FAM135A: variants seen among roughly 807,000 people sequenced by gnomAD.
FAM135A encodes family with sequence similarity 135 member A, also known as protein FAM135A.
Under a neutral mutation model 146.8 loss-of-function variants are expected in FAM135A, and 79 were observed. That is an observed-to-expected ratio of 0.54 (90% CI 0.45 to 0.65). The LOEUF (loss-of-function observed/expected upper bound fraction) is 0.65. Among genes scored for constraint, FAM135A ranks in the 30% least tolerant of loss-of-function variants. The pLI, the probability that FAM135A is intolerant of heterozygous loss-of-function variation, is 0.00. For synonymous variants in FAM135A, 562 were observed against 603.6 expected (o/e 0.93, Z 1.01); for missense variants, 1,623 against 1,758.2 (o/e 0.92, Z 1.38).
At chr6:70,493,062 G>A (rs1175627717) in intron 11 of FAM135A, among the ~76,000 whole-genome samples, 2 of 151,908 alleles carry the variant, frequency 1.3e-5, no homozygotes, top group Admixed American at 6.6e-5. Flanking sequence ...CAATTCCCAT[G>A]TAGCCATTTA....
At chr6:70,507,323 A>G (rs766982336) in intron 12 of FAM135A, among the ~76,000 whole-genome samples, 10 of 152,134 alleles carry the variant, frequency 6.6e-5, no homozygotes, top group Non-Finnish European at 1.0e-4. Context: ...CTAATAAAAT[A>G]TCTTGTTCTT....
At chr6:70,544,788 C>A (rs767132088) in intron 20 of FAM135A, among the ~76,000 whole-genome samples, 14 of 151,692 alleles carry the variant, frequency 9.2e-5, no homozygotes, top group Non-Finnish European at 1.6e-4. Flanking sequence ...CAGTGGCTCA[C>A]GCCTGTAATC....
chr6:70,547,363 AT>A (rs896797979), intron 20 of FAM135A, among the ~76,000 whole-genome samples: 1 of 152,230 alleles, frequency 6.6e-6, no homozygotes, highest in Non-Finnish European at 1.5e-5. Context: ...AAAAATAAGA[AT>A]AGTTTAATAT....
chr6:70,516,413 A>C (rs1792225466), intron 12 of FAM135A, among the ~76,000 whole-genome samples: 1 of 152,092 alleles, frequency 6.6e-6, no homozygotes, highest in African/African-American at 2.4e-5. Context: ...CATATGGATT[A>C]GCAGGATCCT....
Position 70,524,886 on chromosome 6 carries a change from T to C in FAM135A, c.1802T>C (p.Leu601Ser), listed in dbSNP as rs373978809. 47 of 1,612,918 alleles carry C rather than the reference T, an allele frequency of 2.9e-5. No homozygotes were observed. Among genetic ancestry groups the C allele is most frequent in the Non-Finnish European group, 3.9e-5 (46 of 1,179,458 alleles). Residue 601 changes from leucine to serine, a missense_variant, in exon 15 of 22, where the codon TTG becomes TCG. Leu to Ser is a moderately radical substitution (Grantham distance 145). This residue lies in a region of FAM135A where 1,061 missense variants were observed against 1,113.8 expected (regional missense o/e 0.95). Coordinates refer to ENST00000418814, the MANE Select transcript of FAM135A (RefSeq NM_001162529.3). ...GTTCAACCAGACCAGTTTGATCCTTTGAACTCTGGCAACCTAAATCTTTGT... is the reference window on the plus strand; with the variant it reads ...GTTCAACCAGACCAGTTTGATCCTTCGAACTCTGGCAACCTAAATCTTTGT... ...ENVQPDQFDP[L>S]NSGNLNLCAN...
At chr6:70,453,155 A>G (rs906700982) in intron 5 of FAM135A, among the ~76,000 whole-genome samples, 1 of 152,182 alleles carries the variant, frequency 6.6e-6, no homozygotes, top group Non-Finnish European at 1.5e-5. Flanking sequence ...AATGCAATAT[A>G]TGCTGTTTCA....
chr6:70,486,186 C>G (rs757755738), intron 10 of FAM135A: 1 of 1,613,782 alleles, frequency 6.2e-7, no homozygotes, highest in Non-Finnish European at 8.5e-7. Flanking sequence ...ACATGCAGCT[C>G]CTATATGAGC....
At chr6:70,536,180 C>A in intron 18 of FAM135A, 80 bp from the exon 19 acceptor site, 1 of 1,337,872 alleles carries the variant, frequency 7.5e-7, no homozygotes, top group Non-Finnish European at 1.0e-6. Flanking sequence ...GTATTCACAT[C>A]CATTTTATAG....
Position 70,525,846 on chromosome 6 carries a change from T to C in FAM135A, c.2762T>C (p.Leu921Ser), listed in dbSNP as rs1470678503. Residue 921 changes from leucine (L) to serine (S), a missense_variant, in exon 15 of 22, where the codon TTA becomes TCA. By Grantham distance (145) the Leu-to-Ser change is moderately radical. This residue lies in a region of FAM135A where 1,061 missense variants were observed against 1,113.8 expected (regional missense o/e 0.95). Transcript: ENST00000418814. The stretch of plus-strand genomic sequence containing the variant: ...TTAAATTCAAGCATTAAAGACCCTT[T>C]ACAATTTGTTTTTTCAGATGAAGAG... ...HSLNSSIKDP[L>S]QFVFSDEETS... 2 of 1,611,454 alleles carry C rather than the reference T, an allele frequency of 1.2e-6. No individual in the cohort carries two copies. The highest frequency in any genetic ancestry group is 1.7e-6 in the Non-Finnish European group (2 of 1,179,204).
intron 18 of FAM135A, chr6:70,536,026 G>C (rs1269708550): frequency 2.8e-6 from 1 of 363,238 alleles, no homozygotes; most frequent in Non-Finnish European, 4.9e-6. Flanking sequence ...AAAGTTTTCA[G>C]ATTAATATGT....
intron 7 of FAM135A, 24 bp from the exon 8 acceptor site, chr6:70,477,135 C>T (rs1562488522): frequency 6.2e-7 from 1 of 1,600,224 alleles, no homozygotes; most frequent in Non-Finnish European, 8.5e-7. Flanking sequence ...TTCATACTTA[C>T]ATGCTAAGTG....
chr6:70,451,367 G>A (rs185640901), intron 4 of FAM135A, among the ~76,000 whole-genome samples: 17 of 152,178 alleles, frequency 1.1e-4, no homozygotes, highest in Non-Finnish European at 1.8e-4. Flanking sequence ...TTGATCTTTA[G>A]TCAAAACCCT....
chr6:70,534,864 G>C (rs1365876057), intron 18 of FAM135A, among the ~76,000 whole-genome samples: 2 of 152,126 alleles, frequency 1.3e-5, no homozygotes, highest in African/African-American at 4.8e-5. Flanking sequence ...AATAAGAAGA[G>C]AGATAAGCAG....
At chr6:70,449,516 T>C (rs1270270065) in intron 4 of FAM135A, among the ~76,000 whole-genome samples, 1 of 152,242 alleles carries the variant, frequency 6.6e-6, no homozygotes, top group African/African-American at 2.4e-5. Context: ...TGTCTTTCTG[T>C]GCCTGGCTTA....
chr6:70,521,678 C>A (rs1398328153), intron 12 of FAM135A, among the ~76,000 whole-genome samples: 4 of 152,316 alleles, frequency 2.6e-5, no homozygotes, highest in Middle Eastern at 3.4e-3. Flanking sequence ...AATATAATTT[C>A]TCCTCCCTGT....
In FAM135A at chr6:70,524,423, A is replaced by G. The variant is rs1794264582; in HGVS notation, c.1339A>G (p.Ser447Gly). The change falls in exon 15 of 22, where the codon AGC becomes GGC. Residue 447 changes from serine (S) to glycine (G), a missense_variant. Coordinates refer to ENST00000418814, the MANE Select transcript of FAM135A (RefSeq NM_001162529.3). ...SKMDKYETEE[S>G]SVAGLSSPEL... ...AATGGATAAATATGAGACTGAAGAAAGCTCTGTAGCAGGACTTTCTAGCCC... is the reference window on the plus strand; with the variant it reads ...AATGGATAAATATGAGACTGAAGAAGGCTCTGTAGCAGGACTTTCTAGCCC... 5.2e-6 allele frequency: 8 copies of G among 1,536,844 alleles called. No homozygotes were observed. Among genetic ancestry groups the G allele is most frequent in the Non-Finnish European group, 6.1e-6 (7 of 1,143,340 alleles).
At chr6:70,517,568 G>T (rs888440722) in intron 12 of FAM135A, among the ~76,000 whole-genome samples, 2 of 151,892 alleles carry the variant, frequency 1.3e-5, no homozygotes, top group African/African-American at 4.8e-5. Flanking sequence ...ACAGGTGCCT[G>T]CCACCATGTC....
At chr6:70,510,921 C>G (rs1033622727) in intron 12 of FAM135A, among the ~76,000 whole-genome samples, 1 of 152,042 alleles carries the variant, frequency 6.6e-6, no homozygotes, top group Non-Finnish European at 1.5e-5. Context: ...CATATACTTA[C>G]AAACACTTGT....
intron 12 of FAM135A, among the ~76,000 whole-genome samples, chr6:70,509,677 C>G (rs1790568755): frequency 6.6e-6 from 1 of 152,112 alleles, no homozygotes; most frequent in South Asian, 2.1e-4. Context: ...TCAGTACAAT[C>G]TCATGAAGTA....
Sources: allele counts gnomAD v4.1 joint callset (sites outside exome capture counted in the v4.1 genomes callset), GRCh38; gene constraint gnomAD v4.1.1; regional missense constraint gnomAD v4.1.1; transcripts MANE v1.5; gene names NCBI Gene and HGNC (gene_info 2026-07-23, HGNC 2026-07-21).